Variants in SHISA9 observed in about 807,000 individuals in gnomAD.
SHISA9 encodes shisa family member 9, also known as protein shisa-9.
In SHISA9, 13 loss-of-function variants were observed where a neutral mutation model predicts 38.0. That is an observed-to-expected ratio of 0.34 (90% CI 0.22 to 0.54). The LOEUF is 0.54. SHISA9 is among the 20% of genes least tolerant of loss of function. The pLI, the probability that SHISA9 is intolerant of heterozygous loss-of-function variation, is 0.91. For missense variants in SHISA9, 538 were observed against 575.8 expected, an observed-to-expected ratio of 0.93 and a Z score of 0.67; for synonymous variants, 275 against 242.0, an observed-to-expected ratio of 1.14 and a Z score of -1.27.
intron 2 of SHISA9, among the ~76,000 whole-genome samples, chr16:12,966,985 G>C (rs1215136996): frequency 6.6e-6 from 1 of 152,126 alleles, no homozygotes; most frequent in Non-Finnish European, 1.5e-5. Flanking sequence ...CTCTGGGGAG[G>C]TCCAGAAATG....
At chr16:12,919,148 C>T (rs2071296004) in intron 2 of SHISA9, among the ~76,000 whole-genome samples, 2 of 150,654 alleles carry the variant, frequency 1.3e-5, no homozygotes, top group African/African-American at 4.9e-5. Context: ...GTTTAAGAAG[C>T]CAAGCAGTCA....
the SHISA9 span, among the ~76,000 whole-genome samples, chr16:13,329,907 G>A: frequency 7.4e-4 from 113 of 152,344 alleles, no homozygotes; most frequent in African/African-American, 2.5e-3. Context: ...AAATCATGCA[G>A]TTCCTCAGAT....
intron 2 of SHISA9, among the ~76,000 whole-genome samples, chr16:13,043,331 G>A (rs187839918): frequency 4.6e-5 from 7 of 152,262 alleles, no homozygotes; most frequent in African/African-American, 1.7e-4. Flanking sequence ...TAACTGCAAG[G>A]GAGTCTGGGA....
At chr16:13,140,286 C>G (rs904396452) in intron 2 of SHISA9, among the ~76,000 whole-genome samples, 12 of 151,674 alleles carry the variant, frequency 7.9e-5, no homozygotes, top group African/African-American at 2.9e-4. Context: ...AAGGAATTCT[C>G]CTGTCTCAGC....
At chr16:13,546,870 A>T in the SHISA9 span, among the ~76,000 whole-genome samples, 1 of 152,198 alleles carries the variant, frequency 6.6e-6, no homozygotes, top group East Asian at 1.9e-4. Context: ...GTTTACTGGA[A>T]GAATTTGCTG....
intron 2 of SHISA9, among the ~76,000 whole-genome samples, chr16:13,093,834 T>G (rs922938363): frequency 6.6e-6 from 1 of 152,186 alleles, no homozygotes; most frequent in African/African-American, 2.4e-5. Flanking sequence ...CAGGGCAAAC[T>G]AGTTCAGATG....
At chr16:13,369,887 A>G in the SHISA9 span, among the ~76,000 whole-genome samples, 2 of 152,098 alleles carry the variant, frequency 1.3e-5, no homozygotes, top group African/African-American at 4.8e-5. Context: ...CCGCAGACCA[A>G]TTGAATCAGT....
the SHISA9 span, among the ~76,000 whole-genome samples, chr16:13,481,873 G>A: frequency 6.6e-6 from 1 of 152,168 alleles, no homozygotes; most frequent in Non-Finnish European, 1.5e-5. Flanking sequence ...ATCACAAGAT[G>A]GTAGATATCT....
At chr16:13,127,612 CAG>C (rs1419369619) in intron 2 of SHISA9, among the ~76,000 whole-genome samples, 1 of 152,088 alleles carries the variant, frequency 6.6e-6, no homozygotes, top group African/African-American at 2.4e-5. Context: ...TCAGCTCCTG[CAG>C]AGTTTCTCTG....
At chr16:13,509,941 AC>A in the SHISA9 span, among the ~76,000 whole-genome samples, 1 of 152,104 alleles carries the variant, frequency 6.6e-6, no homozygotes, top group African/African-American at 2.4e-5. Context: ...AGTAGCCTCC[AC>A]CTCACCTTAC....
intron 4 of SHISA9, among the ~76,000 whole-genome samples, chr16:13,230,527 G>T (rs2051321782): frequency 6.6e-6 from 1 of 151,884 alleles, no homozygotes; most frequent in Non-Finnish European, 1.5e-5. Flanking sequence ...AGGGTGGGTG[G>T]TCCCATGTGA....
intron 2 of SHISA9, among the ~76,000 whole-genome samples, chr16:13,007,541 C>G (rs1294253445): frequency 6.6e-6 from 1 of 152,170 alleles, no homozygotes; most frequent in Admixed American, 6.5e-5. Flanking sequence ...AGATCCCAAC[C>G]GTGTCATATT....
At chr16:13,545,968 G>A in the SHISA9 span, among the ~76,000 whole-genome samples, 2 of 152,110 alleles carry the variant, frequency 1.3e-5, no homozygotes, top group East Asian at 3.9e-4. Flanking sequence ...TGCCAAACTG[G>A]TAGGACGTAA....
At chr16:13,382,032 TG>T in the SHISA9 span, among the ~76,000 whole-genome samples, 1 of 152,196 alleles carries the variant, frequency 6.6e-6, no homozygotes, top group African/African-American at 2.4e-5. Context: ...CACATTAGGT[TG>T]AAAAAATTTT....
chr16:12,945,953 C>G (rs1444931480), intron 2 of SHISA9, among the ~76,000 whole-genome samples: 2 of 152,188 alleles, frequency 1.3e-5, no homozygotes, highest in Non-Finnish European at 2.9e-5. Context: ...ACTAAAAATA[C>G]AAAAATTAGC....
At chr16:13,227,813 C>T (rs2051293885) in intron 4 of SHISA9, among the ~76,000 whole-genome samples, 1 of 152,108 alleles carries the variant, frequency 6.6e-6, no homozygotes, top group Non-Finnish European at 1.5e-5. Flanking sequence ...GTAAACTAGG[C>T]ACTCAACAAA....
Position 13,107,639 on chromosome 16 carries a change from A to G in SHISA9, c.692-95755A>G, listed in dbSNP as rs2073940390. On this transcript the variant is annotated intron_variant, in intron 2 of 4. Coordinates refer to ENST00000558583, the MANE Select transcript of SHISA9 (RefSeq NM_001145204.3). ...GGGAAGCAGGACATTGAGGCTTAGT[A>G]ATTTCATTACTAAGACAGCTGCAGT... is the stretch of plus-strand genomic sequence containing the variant. Among the ~76,000 whole-genome samples the G allele has an allele frequency of 2.0e-5, 3 of 152,094 alleles. No individual in the cohort carries two copies. The South Asian group carries it at 6.2e-4, about 32-fold the overall frequency.
chr16:13,334,877 C>G, the SHISA9 span, among the ~76,000 whole-genome samples: 3 of 152,052 alleles, frequency 2.0e-5, no homozygotes, highest in South Asian at 2.1e-4. Flanking sequence ...TACCAGGGAG[C>G]CTGCCACATC....
At chr16:13,472,377 A>AGTTTTTTTTTTTTTTTT in the SHISA9 span, among the ~76,000 whole-genome samples, 1 of 55,416 alleles carries the variant, frequency 1.8e-5, no homozygotes, top group Non-Finnish European at 3.2e-5. Flanking sequence ...GCTCTGCTAA[A>AGTTTTTTTTTTTTTTTT]TTTTTTTTTT....
Sources: gnomAD v4.1 joint callset for allele counts (sites outside exome capture counted in the v4.1 genomes callset) on GRCh38, gnomAD v4.1.1 for gene constraint, MANE v1.5 for transcripts, NCBI Gene and HGNC (gene_info 2026-07-23, HGNC 2026-07-21) for gene names.